PLGRKT: variants seen among roughly 807,000 people sequenced by gnomAD.
PLGRKT encodes plasminogen receptor with a C-terminal lysine, also known as plasminogen receptor (KT).
Under a neutral mutation model 18.5 loss-of-function variants are expected in PLGRKT, and 22 were observed. The ratio of observed to expected loss-of-function variants is 1.19; its 90% CI spans 0.85 to 1.70. PLGRKT has a LOEUF of 1.70. Ranked by LOEUF, PLGRKT falls within the 40% of genes most tolerant of loss-of-function variation. PLGRKT has a pLI of 0.00. For missense variants in PLGRKT, 235 were observed against 174.4 expected, an observed-to-expected ratio of 1.35 and a Z score of -1.96; for synonymous variants, 72 against 52.8, an observed-to-expected ratio of 1.36 and a Z score of -1.58.
At chr9:5,360,934 T>A in intron 5 of PLGRKT, 144 bp downstream of exon 5, 1 of 566,086 alleles carries the variant, frequency 1.8e-6, no homozygotes, top group Non-Finnish European at 3.1e-6. Flanking sequence ...CACCACTGTG[T>A]GAAAGGGAGC....
intron 4 of PLGRKT, 132 bp from the exon 5 acceptor site, chr9:5,361,319 G>A: frequency 1.7e-6 from 1 of 593,028 alleles, no homozygotes; most frequent in East Asian, 2.9e-5. Context: ...TAACACATTT[G>A]ATAATTCTAT....
intron 3 of PLGRKT, among the ~76,000 whole-genome samples, chr9:5,424,209 G>T (rs181086790): frequency 7.4e-6 from 1 of 135,804 alleles, no homozygotes; most frequent in Non-Finnish European, 1.5e-5. Context: ...CATAATATAT[G>T]TAATATGTAA....
chr9:5,421,387 T>C (rs113752173), intron 3 of PLGRKT, among the ~76,000 whole-genome samples: 326 of 152,320 alleles, frequency 2.1e-3, no homozygotes, highest in African/African-American at 7.5e-3. Context: ...ACCCATGGTC[T>C]CCCATCATCA....
intron 3 of PLGRKT, among the ~76,000 whole-genome samples, chr9:5,424,087 TAATA>T (rs1432393436): frequency 4.2e-5 from 6 of 143,972 alleles, no homozygotes; most frequent in African/African-American, 1.5e-4. Context: ...GTATAATATA[TAATA>T]TATATTATAT....
intron 2 of PLGRKT, among the ~76,000 whole-genome samples, chr9:5,432,603 T>G (rs1309840349): frequency 6.6e-6 from 1 of 151,706 alleles, no homozygotes; most frequent in Non-Finnish European, 1.5e-5. Context: ...GCTCCGGTGA[T>G]TCTCCTGTCT....
chr9:5,433,865 T>G (rs1487458416), intron 2 of PLGRKT, among the ~76,000 whole-genome samples: 67 of 123,164 alleles, frequency 5.4e-4, no homozygotes, highest in African/African-American at 1.2e-3. Flanking sequence ...GGAGCGCCTT[T>G]GCCCGGCCGC....
chr9:5,360,514 G>T (rs1007742487), intron 5 of PLGRKT, among the ~76,000 whole-genome samples: 1 of 152,008 alleles, frequency 6.6e-6, no homozygotes, highest in African/African-American at 2.4e-5. Context: ...TCAACCCCTG[G>T]TCCAGACAAT....
intron 3 of PLGRKT, among the ~76,000 whole-genome samples, chr9:5,381,092 T>C (rs1197890648): frequency 6.6e-6 from 1 of 152,234 alleles, no homozygotes; most frequent in Admixed American, 6.5e-5. Context: ...CATGCAGAAC[T>C]GTGAGTTAAT....
intron 3 of PLGRKT, among the ~76,000 whole-genome samples, chr9:5,421,577 G>A (rs774904367): frequency 6.6e-5 from 10 of 152,192 alleles, no homozygotes; most frequent in African/African-American, 2.4e-4. Context: ...ATAAACATTT[G>A]GTGAATGAAT....
At position 5,418,314 on chromosome 9, in the gene PLGRKT, C is replaced by A; in HGVS notation, c.81+13583G>T. ...CATCTTCTCACTGGGATCTCATCAC[C>A]AATGTGCTCAACCCCTAAGTTGGCA... On this transcript the variant is annotated intron_variant, in intron 3 of 5. Coordinates refer to ENST00000223864, the MANE Select transcript of PLGRKT (RefSeq NM_018465.4). This position sits in a 1 kb window ranked among gnomAD's most constrained non-coding sequence, Gnocchi z 4.2. 1 of 563,496 alleles carries A rather than the reference C, an allele frequency of 1.8e-6. No homozygotes were observed. 34.9% of individuals were successfully genotyped at this position (563,496 alleles called of 1,614,324 possible).
intron 2 of PLGRKT, among the ~76,000 whole-genome samples, chr9:5,432,995 C>T (rs1001584952): frequency 6.6e-6 from 1 of 151,490 alleles, no homozygotes; most frequent in Non-Finnish European, 1.5e-5. Flanking sequence ...CGGCCGCCAC[C>T]CCGTCTAGGA....
At chr9:5,415,571 T>A (rs989230931) in intron 3 of PLGRKT, among the ~76,000 whole-genome samples, 3 of 152,176 alleles carry the variant, frequency 2.0e-5, no homozygotes, top group Non-Finnish European at 4.4e-5. Flanking sequence ...AACTTTACAG[T>A]GTATATAAAC....
At chr9:5,395,892 T>TG (rs1818035948) in intron 3 of PLGRKT, among the ~76,000 whole-genome samples, 1 of 64,122 alleles carries the variant, frequency 1.6e-5, no homozygotes, top group South Asian at 7.2e-4. Flanking sequence ...CTAACAGTTT[T>TG]TTTTTTTTTT....
chr9:5,417,169 A>G (rs953233372), intron 3 of PLGRKT, among the ~76,000 whole-genome samples: 2 of 152,210 alleles, frequency 1.3e-5, no homozygotes, highest in African/African-American at 2.4e-5. Context: ...GTCAAGATGC[A>G]CTTTTCAAAG....
intron 3 of PLGRKT, among the ~76,000 whole-genome samples, chr9:5,416,129 CA>C (rs1003738182): frequency 2.5e-4 from 38 of 152,154 alleles, no homozygotes; most frequent in African/African-American, 8.9e-4. Flanking sequence ...CAAAATTAAA[CA>C]TTTTTTTTAA....
intron 3 of PLGRKT, among the ~76,000 whole-genome samples, chr9:5,383,532 T>C (rs975104103): frequency 6.6e-6 from 1 of 152,188 alleles, no homozygotes; most frequent in African/African-American, 2.4e-5. Context: ...TACATTGTAA[T>C]ATATAATGAA....
At position 5,418,441 on chromosome 9, in the gene PLGRKT, A is replaced by T; in HGVS notation, c.81+13456T>A. 1.0e-6 allele frequency: 1 copy of T among 962,620 alleles called. No individual in the cohort carries two copies. The highest frequency in any genetic ancestry group is 1.7e-6 in the Non-Finnish European group (1 of 594,418). 59.6% of individuals were successfully genotyped at this position (962,620 alleles called of 1,614,324 possible). ...ATGGAGCACGATGCTGAGGAGGAAG[A>T]CCAAGACGCAAGCCACCAAGATGAC... is the stretch of plus-strand genomic sequence containing the variant. On this transcript the variant is annotated intron_variant, in intron 3 of 5. Coordinates refer to ENST00000223864, the MANE Select transcript of PLGRKT (RefSeq NM_018465.4). This position sits in a 1 kb window ranked among gnomAD's most constrained non-coding sequence, Gnocchi z 4.2.
intron 3 of PLGRKT, among the ~76,000 whole-genome samples, chr9:5,408,687 T>C (rs1818303952): frequency 6.6e-6 from 1 of 152,250 alleles, no homozygotes; most frequent in Non-Finnish European, 1.5e-5. Context: ...CCAAGTCTAA[T>C]AGTCAAGACA....
chr9:5,367,030 T>TACACACACACACAC (rs56259718), intron 3 of PLGRKT, among the ~76,000 whole-genome samples: 1 of 112,304 alleles, frequency 8.9e-6, no homozygotes, highest in African/African-American at 3.3e-5. Flanking sequence ...TACACACACA[T>TACACACACACACAC]ACACACACAC....
Sources: gnomAD v4.1 joint callset for allele counts (sites outside exome capture counted in the v4.1 genomes callset) on GRCh38, gnomAD v4.1.1 for gene constraint, Gnocchi (gnomAD v3.1) non-coding constraint, MANE v1.5 for transcripts, NCBI Gene and HGNC (gene_info 2026-07-23, HGNC 2026-07-21) for gene names.